The following RAB2A variants were observed in gnomAD, a reference collection of about 807,000 sequenced individuals.
The protein encoded by RAB2A is RAB2A, member RAS oncogene family.
Under a neutral mutation model 32.5 loss-of-function variants are expected in RAB2A, and 7 were observed. The ratio of observed to expected loss-of-function variants is 0.22; its 90% CI spans 0.12 to 0.40. The LOEUF is 0.40. Ranked by LOEUF, RAB2A falls within the 10% of genes least tolerant of loss-of-function variation. The pLI, the probability that RAB2A is intolerant of heterozygous loss-of-function variation, is 1.00. For synonymous variants in RAB2A, 79 were observed against 85.2 expected (o/e 0.93, Z 0.40); for missense variants, 108 against 260.7 (o/e 0.41, Z 4.03).
chr8:60,564,961 T>C (rs1483924082), intron 2 of RAB2A, among the ~76,000 whole-genome samples: 5 of 152,264 alleles, frequency 3.3e-5, no homozygotes, highest in East Asian at 1.9e-4. Context: ...CTATATGTTA[T>C]ACTATTCAGT....
intron 6 of RAB2A, among the ~76,000 whole-genome samples, chr8:60,595,619 C>T (rs1698512278): frequency 6.6e-6 from 1 of 151,852 alleles, no homozygotes; most frequent in Non-Finnish European, 1.5e-5. Context: ...AACTTAAGGG[C>T]AGAAAAAAAT....
intron 6 of RAB2A, among the ~76,000 whole-genome samples, chr8:60,607,082 C>G (rs1388772944): frequency 6.7e-6 from 1 of 149,302 alleles, no homozygotes; most frequent in Admixed American, 6.7e-5. Context: ...ACTAAGAATG[C>G]CTCATAAGAC....
At chr8:60,614,849 G>A (rs1804422733) in intron 6 of RAB2A, among the ~76,000 whole-genome samples, 1 of 152,152 alleles carries the variant, frequency 6.6e-6, no homozygotes, top group African/African-American at 2.4e-5. Context: ...GTTAAAGTCT[G>A]GGGGAAAGGA....
intron 1 of RAB2A, chr8:60,552,055 ACGCAGTGG>A (rs1232075378): frequency 1.5e-5 from 2 of 137,694 alleles, no homozygotes; most frequent in Non-Finnish European, 3.0e-5. Flanking sequence ...CCAGGCTGGC[ACGCAGTGG>A]CGCAATTTCG....
chr8:60,581,368 A>G (rs1803747091), intron 3 of RAB2A, among the ~76,000 whole-genome samples: 1 of 152,240 alleles, frequency 6.6e-6, no homozygotes, highest in South Asian at 2.1e-4. Context: ...AGTGTAGTGT[A>G]TACAGTGAAG....
intron 1 of RAB2A, among the ~76,000 whole-genome samples, chr8:60,534,261 G>T (rs778374429): frequency 1.1e-4 from 16 of 152,080 alleles, no homozygotes; most frequent in Non-Finnish European, 1.8e-4. Context: ...ATGTTCTCGC[G>T]GTAATCTTAG....
At chr8:60,552,193 G>A (rs1253941761) in intron 1 of RAB2A, among the ~76,000 whole-genome samples, 1 of 151,916 alleles carries the variant, frequency 6.6e-6, no homozygotes, top group East Asian at 1.9e-4. Context: ...AGTAGAGATA[G>A]GGTTTCACCA....
rs747863803 is a variant in RAB2A, at chr8:60,620,787, A to G, written c.*18A>G. The G allele has an allele frequency of 1.8e-5, 29 of 1,606,730 alleles. No homozygotes were observed. The highest frequency in any genetic ancestry group is 3.3e-5 in the South Asian group (3 of 90,000). The stretch of plus-strand genomic sequence containing the variant: ...GCTGTTGAGTCTGTTTTTACTGTCT[A>G]GCTGCCCAACGGGGCCTACTCACTT... On this transcript the variant is annotated 3_prime_UTR_variant, in exon 8 of 8. Coordinates refer to ENST00000262646, the MANE Select transcript of RAB2A (RefSeq NM_002865.3).
At chr8:60,551,308 A>G (rs932133414) in intron 1 of RAB2A, among the ~76,000 whole-genome samples, 4 of 152,210 alleles carry the variant, frequency 2.6e-5, no homozygotes, top group Non-Finnish European at 5.9e-5. Flanking sequence ...TTGTCTTTGC[A>G]CTGGAGATAC....
At chr8:60,597,233 A>G (rs1804044056) in intron 6 of RAB2A, among the ~76,000 whole-genome samples, 1 of 152,246 alleles carries the variant, frequency 6.6e-6, no homozygotes, top group Non-Finnish European at 1.5e-5. Flanking sequence ...AAAATGTGGC[A>G]CATATACACC....
chr8:60,540,682 A>G lies in RAB2A; in HGVS notation c.47-18170A>G, dbSNP rs575852239. 2.0e-5 allele frequency among the ~76,000 whole-genome samples: 3 copies of G among 152,320 alleles called. No individual in the cohort carries two copies. The South Asian group carries it at 6.2e-4, about 32-fold the overall frequency. ...TTTTTAGTAGAGTTGGGCTTTCCCCATGTTGGCCAGGCTGGCCTGGAACTT... is the reference window on the plus strand; with the variant it reads ...TTTTTAGTAGAGTTGGGCTTTCCCCGTGTTGGCCAGGCTGGCCTGGAACTT... On this transcript the variant is annotated intron_variant, in intron 1 of 7. Coordinates refer to ENST00000262646, the MANE Select transcript of RAB2A (RefSeq NM_002865.3).
chr8:60,522,666 CTT>C (rs1357839272), intron 1 of RAB2A, among the ~76,000 whole-genome samples: 1 of 151,864 alleles, frequency 6.6e-6, no homozygotes, highest in African/African-American at 2.4e-5. Flanking sequence ...ATAGGAGAGA[CTT>C]GAGGTTGAAA....
At chr8:60,597,655 C>A (rs774135236) in intron 6 of RAB2A, among the ~76,000 whole-genome samples, 26 of 151,496 alleles carry the variant, frequency 1.7e-4, no homozygotes, top group Non-Finnish European at 1.9e-4. Context: ...GCAAAATAAA[C>A]CATAAAAAAG....
At chr8:60,586,921 C>A (rs1362338239) in intron 5 of RAB2A, among the ~76,000 whole-genome samples, 1 of 144,746 alleles carries the variant, frequency 6.9e-6, no homozygotes, top group Non-Finnish European at 1.5e-5. Flanking sequence ...AAGAGCAAGA[C>A]TCTGTCTCCA....
intron 1 of RAB2A, among the ~76,000 whole-genome samples, chr8:60,547,263 C>G (rs1474426267): frequency 6.6e-6 from 1 of 152,216 alleles, no homozygotes; most frequent in Non-Finnish European, 1.5e-5. Context: ...TTTCTTAGTA[C>G]AGAACAAAAG....
At chr8:60,607,488 G>T (rs984173921) in intron 6 of RAB2A, among the ~76,000 whole-genome samples, 1 of 151,402 alleles carries the variant, frequency 6.6e-6, no homozygotes, top group African/African-American at 2.4e-5. Flanking sequence ...TGTTGCCGAG[G>T]CTTGTCTCAA....
At chr8:60,615,482 C>G (rs1804433871) in intron 6 of RAB2A, among the ~76,000 whole-genome samples, 1 of 152,104 alleles carries the variant, frequency 6.6e-6, no homozygotes, top group African/African-American at 2.4e-5. Flanking sequence ...TTAGAAACAT[C>G]TATACCTTAA....
At chr8:60,519,542 A>G (rs1024546366) in intron 1 of RAB2A, among the ~76,000 whole-genome samples, 1 of 152,198 alleles carries the variant, frequency 6.6e-6, no homozygotes, top group Non-Finnish European at 1.5e-5. Context: ...TTTTCACAGT[A>G]TCCTGGCTGA....
intron 1 of RAB2A, among the ~76,000 whole-genome samples, chr8:60,542,524 A>G (rs1807662803): frequency 6.6e-6 from 1 of 151,998 alleles, no homozygotes; most frequent in Admixed American, 6.5e-5. Flanking sequence ...AAAAAAAAAG[A>G]AAGAACACTT....
Sources: allele counts gnomAD v4.1 joint callset (sites outside exome capture counted in the v4.1 genomes callset), GRCh38; gene constraint gnomAD v4.1.1; transcripts MANE v1.5; gene names NCBI Gene and HGNC (gene_info 2026-07-23, HGNC 2026-07-21).